OR9Q1: variants seen among roughly 807,000 people sequenced by gnomAD.
The protein encoded by OR9Q1 is olfactory receptor 9Q1.
For synonymous variants in OR9Q1, 153 were observed against 148.6 expected, an observed-to-expected ratio of 1.03 and a Z score of -0.22; for missense variants, 374 against 378.8, an observed-to-expected ratio of 0.99 and a Z score of 0.11.
chr11:58,152,835 T>C (rs1485269931), intron 2 of OR9Q1, among the ~76,000 whole-genome samples: 1 of 152,266 alleles, frequency 6.6e-6, no homozygotes, highest in Non-Finnish European at 1.5e-5. Context: ...TTTCATTTTT[T>C]ATGTCTCACA....
chr11:58,122,949 TGTG>T lies in OR9Q1; in HGVS notation c.-14-56479_-14-56477del, dbSNP rs548205796. ...TATTTTTGTGATTTGTTTATGTAATTGTGGTAAATTTTGTTTTTTTTTTCGGAT... is the reference window on the plus strand; with the variant it reads ...TATTTTTGTGATTTGTTTATGTAATTGTAAATTTTGTTTTTTTTTTCGGAT... On this transcript the variant is annotated intron_variant, in intron 2 of 2. Transcript: ENST00000335397. Among the ~76,000 whole-genome samples the T allele has an allele frequency of 1.6e-3, 236 of 148,756 alleles. 1 individual carries two copies. Among genetic ancestry groups the T allele is most frequent in the Middle Eastern group, 0.014 (4 of 288 alleles).
chr11:58,109,585 G>A (rs1853879728), intron 2 of OR9Q1: 1 of 457,354 alleles, frequency 2.2e-6, no homozygotes, highest in Non-Finnish European at 4.4e-6. Context: ...TAGGAAGAGT[G>A]GAACTGCCAG....
chr11:58,024,784 T>A (rs927712170), intron 1 of OR9Q1, among the ~76,000 whole-genome samples: 15 of 152,184 alleles, frequency 9.9e-5, no homozygotes, highest in Non-Finnish European at 1.5e-5. Context: ...GTGACTGTGC[T>A]TTGCAGCTCA....
intron 1 of OR9Q1, among the ~76,000 whole-genome samples, chr11:58,052,694 A>G (rs955760980): frequency 1.4e-5 from 2 of 142,684 alleles, no homozygotes; most frequent in African/African-American, 5.2e-5. Context: ...TTCACAACCT[A>G]CTCATCTGAC....
chr11:58,174,152 T>C (rs1214643178), intron 2 of OR9Q1, among the ~76,000 whole-genome samples: 2 of 152,322 alleles, frequency 1.3e-5, no homozygotes, highest in East Asian at 1.9e-4. Context: ...TGAGCTTGAC[T>C]ATGTGGCTTG....
At chr11:58,125,340 T>A (rs887952907) in intron 2 of OR9Q1, 1 of 149,256 alleles carries the variant, frequency 6.7e-6, no homozygotes, top group Non-Finnish European at 1.5e-5. Context: ...CAACTTCTGA[T>A]GACAAAGGCA....
chr11:58,087,602 G>A lies in OR9Q1; in HGVS notation c.-15+31655G>A, dbSNP rs181140091. Among the ~76,000 whole-genome samples, 5 of 151,936 alleles carry A rather than the reference G, an allele frequency of 3.3e-5. No individual in the cohort carries two copies. The East Asian group carries it at 5.8e-4, about 18-fold the overall frequency. ...TGGGATACATGTGCAGAACGTGCAG[G>A]TTTGTTACATAGGTATATATGTGCC... On this transcript the variant is annotated intron_variant, in intron 2 of 2. Coordinates refer to ENST00000335397, the MANE Select transcript of OR9Q1 (RefSeq NM_001005212.4).
At chr11:58,152,187 A>G (rs1272773963) in intron 2 of OR9Q1, among the ~76,000 whole-genome samples, 3 of 152,174 alleles carry the variant, frequency 2.0e-5, no homozygotes, top group Non-Finnish European at 4.4e-5. Context: ...GGAAGCCATT[A>G]TGTGACTCAG....
At chr11:58,139,139 A>T (rs1854217780) in intron 2 of OR9Q1, among the ~76,000 whole-genome samples, 1 of 152,192 alleles carries the variant, frequency 6.6e-6, no homozygotes, top group African/African-American at 2.4e-5. Flanking sequence ...AATATTAACA[A>T]AATCAAATTC....
At chr11:58,159,039 C>A (rs138729070) in intron 2 of OR9Q1, among the ~76,000 whole-genome samples, 5 of 152,194 alleles carry the variant, frequency 3.3e-5, no homozygotes, top group African/African-American at 9.7e-5. Context: ...TTTTAAACAT[C>A]TTACAGTCAC....
chr11:58,119,002 G>T (rs764854281), intron 2 of OR9Q1: 2 of 1,613,866 alleles, frequency 1.2e-6, no homozygotes, highest in Admixed American at 3.3e-5. Context: ...ACAGACATAG[G>T]CTCCTACCAC....
At chr11:58,039,284 C>T (rs866470441) in intron 1 of OR9Q1, among the ~76,000 whole-genome samples, 8 of 152,330 alleles carry the variant, frequency 5.3e-5, no homozygotes, top group South Asian at 2.1e-4. Flanking sequence ...CCACTGCGCC[C>T]GGCCTAAATG....
chr11:58,112,077 C>G (rs1853906863), intron 2 of OR9Q1, among the ~76,000 whole-genome samples: 1 of 152,014 alleles, frequency 6.6e-6, no homozygotes, highest in Non-Finnish European at 1.5e-5. Context: ...CACCTGAGGT[C>G]AGGAGTTTGA....
chr11:58,157,555 A>G (rs189896951), intron 2 of OR9Q1, among the ~76,000 whole-genome samples: 2 of 152,132 alleles, frequency 1.3e-5, no homozygotes, highest in Non-Finnish European at 2.9e-5. Context: ...GAAGGAAAAG[A>G]CAGAGGAAGG....
intron 2 of OR9Q1, among the ~76,000 whole-genome samples, chr11:58,161,675 C>T (rs919097866): frequency 6.6e-6 from 1 of 151,996 alleles, no homozygotes; most frequent in African/African-American, 2.4e-5. Context: ...TCCCAAGTAG[C>T]TAGGAGTACA....
At chr11:58,164,167 C>T (rs1854480760) in intron 2 of OR9Q1, among the ~76,000 whole-genome samples, 1 of 151,734 alleles carries the variant, frequency 6.6e-6, no homozygotes, top group African/African-American at 2.4e-5. Context: ...GGGGGATGCG[C>T]ATGTAGGGAT....
At position 58,120,747 on chromosome 11, in the gene OR9Q1, G is replaced by A. The variant is rs747659674; in HGVS notation, c.-14-58684G>A. On this transcript the variant is annotated intron_variant, in intron 2 of 2. Coordinates refer to ENST00000335397, the MANE Select transcript of OR9Q1 (RefSeq NM_001005212.4). ...GAAACATAATCCATTTAACCCGCAT[G>A]AACTTTGTTAATATTGCTATCTTTG... 1.3e-4 allele frequency among the ~76,000 whole-genome samples: 20 copies of A among 148,702 alleles called. 1 individual carries two copies. Among genetic ancestry groups the A allele is most frequent in the Non-Finnish European group, 1.5e-4 (10 of 67,464 alleles).
At chr11:58,059,986 T>G (rs901402516) in intron 2 of OR9Q1, 4 of 152,292 alleles carry the variant, frequency 2.6e-5, no homozygotes, top group African/African-American at 9.6e-5. Context: ...AGGGCTGATC[T>G]TTGTGGATTG....
At chr11:58,080,791 T>C (rs533540624) in intron 2 of OR9Q1, among the ~76,000 whole-genome samples, 1 of 152,288 alleles carries the variant, frequency 6.6e-6, no homozygotes, top group South Asian at 2.1e-4. Flanking sequence ...TATGTGTCCA[T>C]CTGAGAAATG....
Sources: gnomAD v4.1 joint callset for allele counts (sites outside exome capture counted in the v4.1 genomes callset) on GRCh38, gnomAD v4.1.1 for gene constraint, MANE v1.5 for transcripts, NCBI Gene and HGNC (gene_info 2026-07-23, HGNC 2026-07-21) for gene names.